The following EFHD1 variants were observed in gnomAD, a reference collection of about 807,000 sequenced individuals.
EFHD1 encodes the protein EF-hand domain-containing protein D1.
In EFHD1, 10 loss-of-function variants were observed where a neutral mutation model predicts 17.2. The observed-to-expected ratio is 0.58, with a 90% CI of 0.36 to 0.99. The LOEUF (loss-of-function observed/expected upper bound fraction) is 0.99. Ranked by LOEUF, EFHD1 falls within the 50% of genes least tolerant of loss-of-function variation. The pLI is 0.01. For missense variants in EFHD1, 310 were observed against 327.5 expected (o/e 0.95, Z 0.41); for synonymous variants, 153 against 142.0 (o/e 1.08, Z -0.55).
chr2:232,681,325 T>G (rs1173375533), intron 3 of EFHD1, among the ~76,000 whole-genome samples: 2 of 151,640 alleles, frequency 1.3e-5, no homozygotes, highest in African/African-American at 4.8e-5. Flanking sequence ...AAAAGTCAAG[T>G]AGAATGACCA....
intron 3 of EFHD1, among the ~76,000 whole-genome samples, chr2:232,674,637 G>T (rs1695138567): frequency 6.6e-6 from 1 of 152,176 alleles, no homozygotes; most frequent in Non-Finnish European, 1.5e-5. Flanking sequence ...CAAAGGCAGA[G>T]TAGGTATGAT....
intron 3 of EFHD1, among the ~76,000 whole-genome samples, chr2:232,673,917 T>C (rs1695124991): frequency 6.7e-6 from 1 of 149,552 alleles, no homozygotes; most frequent in African/African-American, 2.5e-5. Flanking sequence ...CTTTTTTTTT[T>C]TTTTTTTTTG....
At chr2:232,676,637 G>A (rs1236103215) in intron 3 of EFHD1, among the ~76,000 whole-genome samples, 1 of 152,174 alleles carries the variant, frequency 6.6e-6, no homozygotes, top group East Asian at 1.9e-4. Context: ...GGCAGGAAGT[G>A]GGTGCTTCTG....
chr2:232,637,458 C>G (rs2106195505), intron 1 of EFHD1, among the ~76,000 whole-genome samples: 1 of 151,800 alleles, frequency 6.6e-6, no homozygotes, highest in South Asian at 2.1e-4. Context: ...ATTCTCTTGC[C>G]TCAGCCTCCC....
chr2:232,679,530 C>T (rs574116635), intron 3 of EFHD1, among the ~76,000 whole-genome samples: 1 of 151,526 alleles, frequency 6.6e-6, no homozygotes, highest in African/African-American at 2.4e-5. Context: ...GCCTGGGCAA[C>T]ATAGAGCAAC....
At chr2:232,676,535 CATT>C (rs1695175440) in intron 3 of EFHD1, among the ~76,000 whole-genome samples, 1 of 152,128 alleles carries the variant, frequency 6.6e-6, no homozygotes, top group Non-Finnish European at 1.5e-5. Context: ...GCTGGAATAT[CATT>C]ATCTCAGCTG....
chr2:232,646,305 A>C, intron 1 of EFHD1, among the ~76,000 whole-genome samples: 1 of 151,900 alleles, frequency 6.6e-6, no homozygotes, highest in East Asian at 1.9e-4. Flanking sequence ...CCCCCCACCC[A>C]GGCCTTGCTC....
At chr2:232,630,428 C>G (rs1694181909), upstream of EFHD1, among the ~76,000 whole-genome samples, 1 of 152,170 alleles carries the variant, frequency 6.6e-6, no homozygotes, top group Non-Finnish European at 1.5e-5. Context: ...TGGGCCTGTG[C>G]TATTTTCCCT....
chr2:232,612,378 T>G (rs1193320735), intron 1 of EFHD1, among the ~76,000 whole-genome samples: 3 of 152,178 alleles, frequency 2.0e-5, no homozygotes, highest in Non-Finnish European at 2.9e-5. Context: ...ATGTATCTAG[T>G]AAAAGACTTG....
At chr2:232,676,101 A>G (rs934530302) in intron 3 of EFHD1, among the ~76,000 whole-genome samples, 2 of 151,946 alleles carry the variant, frequency 1.3e-5, no homozygotes, top group African/African-American at 2.4e-5. Flanking sequence ...GCTTGAACCC[A>G]GAGGCAGAGG....
chr2:232,665,461 G>T (rs1412989452), intron 2 of EFHD1, among the ~76,000 whole-genome samples: 5 of 151,544 alleles, frequency 3.3e-5, no homozygotes, highest in African/African-American at 9.7e-5. Context: ...TCACTCTGTT[G>T]CCCAGACTGG....
intron 3 of EFHD1, among the ~76,000 whole-genome samples, chr2:232,675,915 T>G (rs965204781): frequency 2.0e-5 from 3 of 152,092 alleles, no homozygotes; most frequent in Non-Finnish European, 4.4e-5. Flanking sequence ...GTGGCTCACA[T>G]CTGTAATCGC....
rs3738906 is a variant in EFHD1 at position 232,681,870 on chromosome 2, C to T, written c.*151C>T. On this transcript the variant is annotated 3_prime_UTR_variant, in exon 4 of 4. Coordinates refer to ENST00000264059, the MANE Select transcript of EFHD1 (RefSeq NM_025202.4). ...CCAGCTCCCGTGCCAGCCTTCATTCCTCCCAGTGTCCAAGCCCCTCCAGGA... is the reference window on the plus strand; with the variant it reads ...CCAGCTCCCGTGCCAGCCTTCATTCTTCCCAGTGTCCAAGCCCCTCCAGGA... 0.031 allele frequency: 38,978 copies of T among 1,266,344 alleles called. 1,315 individuals carry two copies. The highest frequency in any genetic ancestry group is 0.21 in the East Asian group (7,888 of 38,154). The allele number at this position is 1,266,344 out of a possible 1,614,324, so 78.4% of individuals were successfully genotyped here.
chr2:232,639,929 G>T, intron 1 of EFHD1, among the ~76,000 whole-genome samples: 1 of 152,006 alleles, frequency 6.6e-6, no homozygotes. Context: ...GCCACTTTTC[G>T]GGTGAGGCTG....
At chr2:232,654,874 G>A (rs974468172) in intron 1 of EFHD1, among the ~76,000 whole-genome samples, 1 of 152,182 alleles carries the variant, frequency 6.6e-6, no homozygotes, top group Non-Finnish European at 1.5e-5. Flanking sequence ...TCCTCTCCCA[G>A]CTGAGGACAG....
intron 1 of EFHD1, among the ~76,000 whole-genome samples, chr2:232,626,752 C>T (rs1237710697): frequency 6.6e-6 from 1 of 152,082 alleles, no homozygotes; most frequent in Admixed American, 6.6e-5. Flanking sequence ...TGCCTGGAAG[C>T]ACAGCTGACA....
At chr2:232,620,710 T>C (rs1694004763) in intron 1 of EFHD1, among the ~76,000 whole-genome samples, 1 of 152,198 alleles carries the variant, frequency 6.6e-6, no homozygotes. Flanking sequence ...GAAATACATT[T>C]TCTTGGAACA....
At chr2:232,616,491 G>T (rs1693930933) in intron 1 of EFHD1, among the ~76,000 whole-genome samples, 2 of 152,076 alleles carry the variant, frequency 1.3e-5, no homozygotes, top group South Asian at 4.2e-4. Flanking sequence ...TAGAGATGGG[G>T]TTTCACCATA....
intron 1 of EFHD1, among the ~76,000 whole-genome samples, chr2:232,614,821 C>T (rs752248783): frequency 3.9e-5 from 6 of 151,974 alleles, no homozygotes; most frequent in Non-Finnish European, 5.9e-5. Flanking sequence ...ACAAAAAATA[C>T]AAAAATTAGC....
Sources: allele counts gnomAD v4.1 joint callset (sites outside exome capture counted in the v4.1 genomes callset), GRCh38; gene constraint gnomAD v4.1.1; transcripts MANE v1.5; gene names NCBI Gene and HGNC (gene_info 2026-07-23, HGNC 2026-07-21).